WDFY4: variants seen among roughly 807,000 people sequenced by gnomAD.
The protein encoded by WDFY4 is WD repeat- and FYVE domain-containing protein 4.
WDFY4 carries 169 observed loss-of-function variants against 351.9 expected under a neutral mutation model. That is an observed-to-expected ratio of 0.48 (90% CI 0.42 to 0.55). The LOEUF (loss-of-function observed/expected upper bound fraction) is 0.55. Among genes scored for constraint, WDFY4 ranks in the 20% least tolerant of loss-of-function variants. The probability of loss-of-function intolerance (pLI) is 0.00; values close to 1 mark genes in which losing one functional copy is unlikely to be tolerated. For missense variants in WDFY4, 3,803 were observed against 3,935.6 expected (o/e 0.97, Z 0.90); for synonymous variants, 1,622 against 1,574.6 (o/e 1.03, Z -0.71).
chr10:48,854,153 A>G (rs2069054527), intron 39 of WDFY4, among the ~76,000 whole-genome samples: 1 of 146,626 alleles, frequency 6.8e-6, no homozygotes, highest in African/African-American at 2.5e-5. Flanking sequence ...TCTATTGCCC[A>G]GGCTGGAGTA....
At chr10:48,751,384 G>A (rs1052277001) in intron 12 of WDFY4, among the ~76,000 whole-genome samples, 2 of 152,182 alleles carry the variant, frequency 1.3e-5, no homozygotes, top group African/African-American at 2.4e-5. Context: ...GCTGTAGTAG[G>A]GCTTTAAGCT....
intron 47 of WDFY4, among the ~76,000 whole-genome samples, chr10:48,929,658 C>T (rs1056478497): frequency 2.0e-5 from 3 of 152,308 alleles, no homozygotes; most frequent in East Asian, 1.9e-4. Context: ...GGTTCTTGCC[C>T]GGACCTTGCT....
At chr10:48,969,775 A>C (rs1842257020) in intron 56 of WDFY4, among the ~76,000 whole-genome samples, 1 of 150,462 alleles carries the variant, frequency 6.6e-6, no homozygotes, top group African/African-American at 2.4e-5. Flanking sequence ...TGAATTCCCT[A>C]TCCCCCAAGC....
In WDFY4 at chr10:48,787,941, T is replaced by TCTTCTTCTC. The variant is rs1565199065; in HGVS notation, c.3809-581_3809-580insCCTTCTTCT. ...TTCTTCTTCTTCTTCTTCTTCTTCT[T>TCTTCTTCTC]CTTCTTCTTCTTCTTCTTCTTCTTC... On this transcript the variant is annotated intron_variant, in intron 20 of 61. Transcript: ENST00000325239. Among the ~76,000 whole-genome samples, 85 of 96,998 alleles carry TCTTCTTCTC rather than the reference T, an allele frequency of 8.8e-4. 8 individuals are homozygous for TCTTCTTCTC. The highest frequency in any genetic ancestry group is 1.5e-3 in the South Asian group (4 of 2,658). 63.6% of individuals were successfully genotyped at this position (96,998 alleles called of 152,430 possible). A position where few individuals can be genotyped will look rare whatever the true frequency, so the allele number is the denominator to read the frequency against.
In WDFY4 at chr10:48,807,883, C is replaced by A. The variant is rs111673272; in HGVS notation, c.4763C>A (p.Thr1588Lys). Residue 1588 changes from threonine to lysine, a missense_variant, in exon 28 of 62, where the codon ACA becomes AAA. Coordinates refer to ENST00000325239, the MANE Select transcript of WDFY4 (RefSeq NM_001394531.1). ...GCTGGAAGCCAAACATCTGGAAAGA[C>A]AATCTGGCTCAGAAACCAGTTGCTG... ...LPAGSQTSGK[T>K]IWLRNQLLEM... 8 of 1,551,628 alleles carry A rather than the reference C, an allele frequency of 5.2e-6. No individual in the cohort carries two copies. The African/African-American group carries it at 6.8e-5, about 13-fold the overall frequency.
At position 48,913,714 on chromosome 10, in the gene WDFY4, C is replaced by T. The variant is rs200643784; in HGVS notation, c.7586+11851C>T. On this transcript the variant is annotated intron_variant, in intron 47 of 61. Transcript: ENST00000325239. ...AGTAGGTTGTCATGGAGCCCTACCTCGTGGAGCTCCTTCAGGGCCCCCAGT... is the reference window on the plus strand; with the variant it reads ...AGTAGGTTGTCATGGAGCCCTACCTTGTGGAGCTCCTTCAGGGCCCCCAGT... 2.9e-5 allele frequency: 47 copies of T among 1,612,510 alleles called. No homozygotes were observed. In the East Asian group the frequency reaches 4.7e-4, roughly 16 times the overall value.
intron 47 of WDFY4, among the ~76,000 whole-genome samples, chr10:48,935,556 C>G (rs1175265005): frequency 6.6e-6 from 1 of 152,244 alleles, no homozygotes; most frequent in Non-Finnish European, 1.5e-5. Context: ...TGAAACATCA[C>G]TCCCCTTTCT....
intron 32 of WDFY4, among the ~76,000 whole-genome samples, chr10:48,818,516 T>A (rs1402860440): frequency 6.6e-6 from 1 of 152,188 alleles, no homozygotes. Flanking sequence ...ACCAGTTTCC[T>A]CCAGGCTCAC....
At chr10:48,851,937 A>G (rs566859296) in intron 39 of WDFY4, among the ~76,000 whole-genome samples, 2 of 152,356 alleles carry the variant, frequency 1.3e-5, no homozygotes, top group South Asian at 4.1e-4. Flanking sequence ...TGCCTCCCAA[A>G]TCTCCAAACA....
chr10:48,959,745 C>A lies in WDFY4; in HGVS notation c.8155C>A (p.Leu2719Ile), dbSNP rs1841773121. ...AGGCTGCATGCAGGACGGGACTGTG[C>A]TAGGAGACGTGCAGCTCCCTCCCTG... ...EFGCMQDGTV[L>I]GDVQLPPWAD... The change falls in exon 53 of 62, where the codon CTA becomes ATA. Residue 2719 changes from leucine (L) to isoleucine (I), a missense_variant. Coordinates refer to ENST00000325239, the MANE Select transcript of WDFY4 (RefSeq NM_001394531.1). 1 of 1,551,498 alleles carries A rather than the reference C, an allele frequency of 6.4e-7. No individual in the cohort carries two copies. The highest frequency in any genetic ancestry group is 1.4e-5 in the African/African-American group (1 of 73,052).
chr10:48,932,311 C>T (rs1405299654), intron 47 of WDFY4, among the ~76,000 whole-genome samples: 1 of 152,214 alleles, frequency 6.6e-6, no homozygotes, highest in Non-Finnish European at 1.5e-5. Context: ...GGCCACTCCC[C>T]ACTGGTCAGG....
intron 12 of WDFY4, among the ~76,000 whole-genome samples, chr10:48,759,968 A>G (rs2065451725): frequency 6.6e-6 from 1 of 152,116 alleles, no homozygotes; most frequent in Non-Finnish European, 1.5e-5. Context: ...GAAGGGACCC[A>G]GAAGCCTGTG....
intron 12 of WDFY4, among the ~76,000 whole-genome samples, chr10:48,750,142 G>A (rs1451939551): frequency 6.6e-6 from 1 of 152,214 alleles, no homozygotes; most frequent in African/African-American, 2.4e-5. Flanking sequence ...TCCCCTGTGG[G>A]TATGAGTTAT....
intron 13 of WDFY4, among the ~76,000 whole-genome samples, chr10:48,772,143 G>T (rs558733466): frequency 6.6e-6 from 1 of 152,162 alleles, no homozygotes; most frequent in Non-Finnish European, 1.5e-5. Flanking sequence ...AGGTATGTGG[G>T]ATTTGTTGAG....
At chr10:48,692,173 C>T (rs905980862) in intron 1 of WDFY4, among the ~76,000 whole-genome samples, 1 of 152,200 alleles carries the variant, frequency 6.6e-6, no homozygotes, top group Non-Finnish European at 1.5e-5. Context: ...GATTGAATGG[C>T]CAGGCAGATC....
chr10:48,826,761 C>G lies in WDFY4; in HGVS notation c.6073C>G (p.Pro2025Ala), dbSNP rs1255307290. ...NKVILYCLSK[P>A]QQSLSECLGL... ...AGTCATTCTTTATTGCCTATCCAAG[C>G]CCCAGCAGTCCCTCTCCGAATGCCT... Residue 2025 changes from proline to alanine, a missense_variant, in exon 36 of 62, where the codon CCC becomes GCC. Pro to Ala is a conservative substitution (Grantham distance 27). This residue lies in a region of WDFY4 where 3,054 missense variants were observed against 3,148.6 expected (regional missense o/e 0.97). Coordinates refer to ENST00000325239, the MANE Select transcript of WDFY4 (RefSeq NM_001394531.1). 1 of 1,551,762 alleles carries G rather than the reference C, an allele frequency of 6.4e-7. No homozygotes were observed. The highest frequency in any genetic ancestry group is 8.7e-7 in the Non-Finnish European group (1 of 1,147,048).
chr10:48,721,543 C>T (rs950212053), intron 4 of WDFY4, among the ~76,000 whole-genome samples, 176 bp downstream of exon 4: 1 of 152,124 alleles, frequency 6.6e-6, no homozygotes, highest in African/African-American at 2.4e-5. Flanking sequence ...GTCTGAAATT[C>T]CCACCTTCCC....
At chr10:48,688,099 A>G (rs778163223) in intron 1 of WDFY4, among the ~76,000 whole-genome samples, 5 of 152,310 alleles carry the variant, frequency 3.3e-5, no homozygotes, top group Middle Eastern at 3.4e-3. Flanking sequence ...GCCATTCTTT[A>G]GTCACTGATC....
chr10:48,831,382 A>AT (rs1185757822), intron 38 of WDFY4, among the ~76,000 whole-genome samples: 1 of 152,176 alleles, frequency 6.6e-6, no homozygotes, highest in Non-Finnish European at 1.5e-5. Flanking sequence ...AATAAACAAC[A>AT]TTTTTGCATA....
Sources: gnomAD v4.1 joint callset for allele counts (sites outside exome capture counted in the v4.1 genomes callset) on GRCh38, gnomAD v4.1.1 for gene constraint, gnomAD v4.1.1 regional missense constraint, MANE v1.5 for transcripts, NCBI Gene and HGNC (gene_info 2026-07-23, HGNC 2026-07-21) for gene names.